Variants in BMPER observed in about 807,000 individuals in gnomAD.
BMPER encodes BMP-binding endothelial regulator protein.
Under a neutral mutation model 87.3 loss-of-function variants are expected in BMPER, and 45 were observed. The ratio of observed to expected loss-of-function variants is 0.52; its 90% CI spans 0.41 to 0.66. The LOEUF is 0.66. Ranked by LOEUF, BMPER falls within the 30% of genes least tolerant of loss-of-function variation. The pLI is 0.00. For missense variants in BMPER, 784 were observed against 867.5 expected, an observed-to-expected ratio of 0.90 and a Z score of 1.21; for synonymous variants, 326 against 316.2, an observed-to-expected ratio of 1.03 and a Z score of -0.33.
At chr7:33,924,814 C>G (rs531672452) in intron 2 of BMPER, among the ~76,000 whole-genome samples, 2 of 152,100 alleles carry the variant, frequency 1.3e-5, no homozygotes, top group African/African-American at 2.4e-5. Flanking sequence ...ATTACAGGCA[C>G]GCGCCACCAG....
chr7:34,080,656 G>A (rs959035004), intron 12 of BMPER, among the ~76,000 whole-genome samples: 62 of 152,136 alleles, frequency 4.1e-4, no homozygotes, highest in African/African-American at 1.3e-3. Flanking sequence ...TAAAATGTGC[G>A]TAAGATGACC....
chr7:34,042,699 G>A (rs1787862799), intron 6 of BMPER: 1 of 152,184 alleles, frequency 6.6e-6, no homozygotes, highest in Non-Finnish European at 1.5e-5. Flanking sequence ...AGCTCATTCT[G>A]TGTGGTAGCT....
chr7:33,993,974 C>A (rs536252917), intron 6 of BMPER, among the ~76,000 whole-genome samples: 1 of 152,148 alleles, frequency 6.6e-6, no homozygotes, highest in Admixed American at 6.5e-5. Context: ...GCAGTCTGCC[C>A]GTTCTCAGAT....
intron 10 of BMPER, among the ~76,000 whole-genome samples, chr7:34,061,447 A>T (rs1211028538): frequency 6.6e-6 from 1 of 152,242 alleles, no homozygotes; most frequent in African/African-American, 2.4e-5. Flanking sequence ...CAGTGATTCA[A>T]CATGGATAAC....
chr7:33,994,484 C>T (rs189429359), intron 6 of BMPER, among the ~76,000 whole-genome samples: 1 of 152,326 alleles, frequency 6.6e-6, no homozygotes, highest in Admixed American at 6.5e-5. Flanking sequence ...TTGGCTCGCG[C>T]ATGGTGCGCA....
intron 6 of BMPER, among the ~76,000 whole-genome samples, chr7:34,013,962 T>C (rs1562689396): frequency 1.3e-5 from 2 of 151,978 alleles, no homozygotes. Context: ...CATAGCTCCA[T>C]CTTCTTTCCC....
At chr7:34,010,624 A>G (rs1786851634) in intron 6 of BMPER, among the ~76,000 whole-genome samples, 2 of 151,896 alleles carry the variant, frequency 1.3e-5, no homozygotes. Context: ...CATGATTGCT[A>G]TTGTCACAAG....
chr7:34,127,543 C>T (rs1486677037), intron 13 of BMPER, among the ~76,000 whole-genome samples: 1 of 152,114 alleles, frequency 6.6e-6, no homozygotes, highest in African/African-American at 2.4e-5. Context: ...TTTACCACCA[C>T]ACCACTCCCT....
chr7:34,058,223 C>T, intron 10 of BMPER, 60 bp downstream of exon 10: 4 of 1,480,768 alleles, frequency 2.7e-6, no homozygotes, highest in South Asian at 2.3e-5. Context: ...CTGTGTGTGG[C>T]ACAGTCGCAT....
intron 2 of BMPER, among the ~76,000 whole-genome samples, chr7:33,918,681 A>G (rs756054732): frequency 1.3e-5 from 2 of 152,236 alleles, no homozygotes; most frequent in East Asian, 1.9e-4. Context: ...AGGTCTTGCC[A>G]TGGGCTTCTG....
At chr7:34,047,795 C>CTTCCTTCCTCCTTCCTTCCTTCA (rs1788016821) in intron 7 of BMPER, among the ~76,000 whole-genome samples, 1 of 33,454 alleles carries the variant, frequency 3.0e-5, no homozygotes, top group Non-Finnish European at 6.2e-5. Context: ...TCTTTCCTTC[C>CTTCCTTCCTCCTTCCTTCCTTCA]TTCCTTCCTT....
chr7:33,964,860 A>C (rs535967325), intron 3 of BMPER, among the ~76,000 whole-genome samples: 1 of 152,224 alleles, frequency 6.6e-6, no homozygotes, highest in African/African-American at 2.4e-5. Context: ...CTCCACTGGC[A>C]GACTTGGCAG....
chr7:34,087,835 C>G, intron 13 of BMPER, among the ~76,000 whole-genome samples: 1 of 152,162 alleles, frequency 6.6e-6, no homozygotes, highest in Non-Finnish European at 1.5e-5. Flanking sequence ...GTATTGAAAA[C>G]AAAAATTGGA....
At chr7:34,072,980 C>G (rs993530843) in intron 11 of BMPER, among the ~76,000 whole-genome samples, 2 of 152,182 alleles carry the variant, frequency 1.3e-5, no homozygotes, top group East Asian at 1.9e-4. Context: ...CTAATAGTCT[C>G]TTTATTCTGA....
chr7:34,062,744 C>A (rs1475954389), intron 11 of BMPER, among the ~76,000 whole-genome samples: 1 of 152,078 alleles, frequency 6.6e-6, no homozygotes, highest in South Asian at 2.1e-4. Context: ...ATTTGTACAG[C>A]GTGTCGCTGT....
chr7:33,966,656 G>T, intron 4 of BMPER, 95 bp downstream of exon 4: 1 of 1,211,520 alleles, frequency 8.3e-7, no homozygotes. Context: ...CCCTAAAAAG[G>T]CCAAACAGAA....
chr7:34,041,055 T>C (rs1295111659), intron 6 of BMPER, among the ~76,000 whole-genome samples: 1 of 152,192 alleles, frequency 6.6e-6, no homozygotes. Context: ...GCCATCGCTT[T>C]GATTATACTT....
At chr7:34,014,974 C>G (rs1786981157) in intron 6 of BMPER, among the ~76,000 whole-genome samples, 2 of 151,802 alleles carry the variant, frequency 1.3e-5, no homozygotes, top group Admixed American at 6.6e-5. Context: ...TTTCTGCCCT[C>G]TGTGATGTCC....
chr7:34,081,349 C>G (rs897897791), intron 12 of BMPER, among the ~76,000 whole-genome samples: 10 of 152,324 alleles, frequency 6.6e-5, no homozygotes, highest in Non-Finnish European at 1.0e-4. Context: ...TCAAGGGGCA[C>G]TTTCTTCAAA....
Sources: allele counts gnomAD v4.1 joint callset (sites outside exome capture counted in the v4.1 genomes callset), GRCh38; gene constraint gnomAD v4.1.1; transcripts MANE v1.5; gene names NCBI Gene and HGNC (gene_info 2026-07-23, HGNC 2026-07-21).